ZFHX3: variants seen among roughly 807,000 people sequenced by gnomAD.
The protein encoded by ZFHX3 is zinc finger homeobox protein 3.
Under a neutral mutation model 279.1 loss-of-function variants are expected in ZFHX3, and 42 were observed. That is an observed-to-expected ratio of 0.15 (90% confidence interval 0.12 to 0.19). The LOEUF (loss-of-function observed/expected upper bound fraction) is 0.19, where lower values mean the gene tolerates loss of function less well. ZFHX3 is among the 10% of genes least tolerant of loss of function. ZFHX3 has a pLI of 1.00. For missense variants in ZFHX3, 4,981 were observed against 4,754.0 expected, an observed-to-expected ratio of 1.05 and a Z score of -1.40; for synonymous variants, 2,293 against 1,957.8, an observed-to-expected ratio of 1.17 and a Z score of -4.52.
At chr16:73,470,592 C>G (rs7192943) in intron 2 of ZFHX3, among the ~76,000 whole-genome samples, 42,897 of 152,042 alleles carry the variant, frequency 0.28, 6,700 homozygotes, top group East Asian at 0.46. Context: ...CTTCGTCCCC[C>G]ACACCCCAAA....
At chr16:73,416,857 G>C (rs1375711166) in intron 3 of ZFHX3, among the ~76,000 whole-genome samples, 2 of 151,928 alleles carry the variant, frequency 1.3e-5, no homozygotes, top group Admixed American at 6.6e-5. Flanking sequence ...CTGGGCGACA[G>C]AGCGAGACTC....
chr16:72,945,218 C>T (rs771163511), intron 3 of ZFHX3, among the ~76,000 whole-genome samples: 2 of 152,226 alleles, frequency 1.3e-5, no homozygotes, highest in African/African-American at 2.4e-5. Context: ...AGGTACCCAG[C>T]TTTCATGCCG....
At chr16:73,551,927 T>C (rs2020209523) in intron 2 of ZFHX3, among the ~76,000 whole-genome samples, 1 of 152,236 alleles carries the variant, frequency 6.6e-6, no homozygotes, top group Non-Finnish European at 1.5e-5. Flanking sequence ...TATAAACAAG[T>C]ATCATCAACA....
At chr16:73,285,981 C>T (rs185303105) in intron 4 of ZFHX3, among the ~76,000 whole-genome samples, 2 of 152,292 alleles carry the variant, frequency 1.3e-5, no homozygotes, top group Admixed American at 6.5e-5. Context: ...TTGTAAAACG[C>T]GTATTTATTA....
intron 1 of ZFHX3, among the ~76,000 whole-genome samples, chr16:73,687,877 A>C (rs1411693612): frequency 6.7e-6 from 1 of 148,508 alleles, no homozygotes; most frequent in Non-Finnish European, 1.5e-5. Flanking sequence ...AAACAGATTT[A>C]GTAGCTATTA....
chr16:72,978,241 G>T (rs1051663233), intron 1 of ZFHX3, among the ~76,000 whole-genome samples: 8 of 152,116 alleles, frequency 5.3e-5, no homozygotes, highest in Non-Finnish European at 1.5e-5. Flanking sequence ...GATGGAAAGT[G>T]TTACTCAGCT....
chr16:73,316,019 C>G (rs548166294), intron 4 of ZFHX3, among the ~76,000 whole-genome samples: 3 of 152,138 alleles, frequency 2.0e-5, no homozygotes, highest in African/African-American at 7.2e-5. Context: ...GGTTGGAAAC[C>G]GCTGGCCCGC....
intron 1 of ZFHX3, among the ~76,000 whole-genome samples, chr16:73,794,919 C>T (rs1284173038): frequency 6.6e-6 from 1 of 152,148 alleles, no homozygotes. Flanking sequence ...AAGGGAGATG[C>T]CTCTGTTCAT....
At chr16:72,867,684 G>A (rs535101590) in intron 4 of ZFHX3, among the ~76,000 whole-genome samples, 1 of 151,108 alleles carries the variant, frequency 6.6e-6, no homozygotes, top group South Asian at 2.1e-4. Flanking sequence ...TAGCCAAGGT[G>A]AAAAGTAGCG....
chr16:73,126,806 G>T (rs1038303792), intron 7 of ZFHX3: 1 of 152,346 alleles, frequency 6.6e-6, no homozygotes, highest in African/African-American at 2.4e-5. Context: ...AAGGATGCTT[G>T]GTTGCCCAGC....
At chr16:73,842,041 C>A (rs1177843276) in intron 1 of ZFHX3, among the ~76,000 whole-genome samples, 1 of 151,630 alleles carries the variant, frequency 6.6e-6, no homozygotes, top group Admixed American at 6.6e-5. Context: ...ATGGTGAAAC[C>A]CGTCTCTACT....
chr16:73,025,270 G>GGCA (rs1248893607), intron 1 of ZFHX3, among the ~76,000 whole-genome samples: 3 of 152,110 alleles, frequency 2.0e-5, no homozygotes, highest in Non-Finnish European at 1.5e-5. Context: ...CCAATGCGGC[G>GGCA]GCAGCCACCA....
intron 1 of ZFHX3, among the ~76,000 whole-genome samples, chr16:73,023,152 C>T (rs960558052): frequency 2.6e-5 from 4 of 152,172 alleles, no homozygotes; most frequent in African/African-American, 7.2e-5. Context: ...GCTTGAACCT[C>T]GGAGGCAGAG....
intron 3 of ZFHX3, among the ~76,000 whole-genome samples, chr16:73,345,820 C>T (rs2016113718): frequency 6.6e-6 from 1 of 152,094 alleles, no homozygotes; most frequent in South Asian, 2.1e-4. Context: ...GTGAGAAGTC[C>T]TCTTCTCACC....
At chr16:73,127,400 C>A (rs373204699) in intron 7 of ZFHX3, 8 of 1,305,268 alleles carry the variant, frequency 6.1e-6, no homozygotes, top group Non-Finnish European at 8.1e-6. Context: ...ATTTTTGGGG[C>A]CAGAGCCTTC....
At chr16:73,124,563 C>T (rs573977887) in intron 7 of ZFHX3, among the ~76,000 whole-genome samples, 16 of 152,234 alleles carry the variant, frequency 1.1e-4, no homozygotes, top group South Asian at 4.2e-4. Context: ...ATCCTGGACA[C>T]GTTTGATAGC....
intron 3 of ZFHX3, among the ~76,000 whole-genome samples, chr16:73,337,019 C>A (rs11641671): frequency 6.6e-6 from 1 of 151,982 alleles, no homozygotes; most frequent in Admixed American, 6.6e-5. Context: ...CTTCTTACCA[C>A]CACTACCTGC....
At chr16:73,260,043 G>C in intron 4 of ZFHX3, among the ~76,000 whole-genome samples, 1 of 151,848 alleles carries the variant, frequency 6.6e-6, no homozygotes, top group Non-Finnish European at 1.5e-5. Context: ...GAGTTGTCAA[G>C]TCTCTTCAAT....
chr16:72,858,271 C>T (rs564194729), intron 4 of ZFHX3, among the ~76,000 whole-genome samples: 8 of 152,290 alleles, frequency 5.3e-5, no homozygotes, highest in East Asian at 3.9e-4. Context: ...TCTTCCTTCA[C>T]GAACAGAAGG....
Sources: allele counts gnomAD v4.1 joint callset (sites outside exome capture counted in the v4.1 genomes callset), GRCh38; gene constraint gnomAD v4.1.1; transcripts MANE v1.5; gene names NCBI Gene and HGNC (gene_info 2026-07-23, HGNC 2026-07-21).